The following DIP2A variants were observed in gnomAD, a reference collection of about 807,000 sequenced individuals.
DIP2A encodes disco-interacting protein 2 homolog A.
In DIP2A, 85 loss-of-function variants were observed where a neutral mutation model predicts 177.4. That is an observed-to-expected ratio of 0.48 (90% CI 0.40 to 0.57). The LOEUF (loss-of-function observed/expected upper bound fraction) is 0.57. Among genes scored for constraint, DIP2A ranks in the 20% least tolerant of loss-of-function variants. The pLI is 0.00. For synonymous variants in DIP2A, 886 were observed against 881.8 expected, an observed-to-expected ratio of 1.00 and a Z score of -0.08; for missense variants, 1,791 against 2,100.2, an observed-to-expected ratio of 0.85 and a Z score of 2.88.
chr21:46,511,365 G>T, intron 7 of DIP2A, 52 bp from the exon 8 acceptor site: 1 of 1,503,918 alleles, frequency 6.6e-7, no homozygotes, highest in Non-Finnish European at 9.0e-7. Flanking sequence ...AAAACAGAAT[G>T]TGTTCGTGGT....
intron 9 of DIP2A, 44 bp from the exon 10 acceptor site, chr21:46,532,083 A>G (rs1259298081): frequency 6.4e-7 from 1 of 1,561,780 alleles, no homozygotes; most frequent in Non-Finnish European, 8.7e-7. Context: ...TAGATATTGT[A>G]AAAATTGGAA....
intron 1 of DIP2A, among the ~76,000 whole-genome samples, chr21:46,481,107 C>T (rs1320130616): frequency 6.6e-6 from 1 of 152,156 alleles, no homozygotes; most frequent in Non-Finnish European, 1.5e-5. Flanking sequence ...ACCATCATCC[C>T]CAAACACTCC....
chr21:46,561,087 C>T, intron 33 of DIP2A: 2 of 896,356 alleles, frequency 2.2e-6, no homozygotes, highest in Non-Finnish European at 2.7e-6. Context: ...TGTCACACAA[C>T]CAGGAAGAAT....
intron 1 of DIP2A, among the ~76,000 whole-genome samples, chr21:46,477,574 T>TGTGTGTGTGTGTGTGTGTGTG (rs1292980032): frequency 1.8e-4 from 17 of 93,742 alleles, no homozygotes; most frequent in South Asian, 3.2e-4. Context: ...TGTGTATTTC[T>TGTGTGTGTGTGTGTGTGTGTG]TTTTTTTTTT....
At position 46,554,621 on chromosome 21, in the gene DIP2A, C is replaced by T. The variant is rs1255877981; in HGVS notation, c.3201C>T (p.Cys1067=). The T allele has an allele frequency of 4.4e-6, 7 of 1,608,264 alleles. No individual in the cohort carries two copies. The highest frequency in any genetic ancestry group is 4.2e-6 in the Non-Finnish European group (5 of 1,177,642). Residue 1067 remains cysteine, a synonymous_variant, in exon 27 of 38, where the codon TGC becomes TGT. Transcript: ENST00000417564. ...AAFYGCLYCG[C]VPVTVRPPHP... Reference sequence around the variant, plus strand: ...TCTATGGCTGCTTGTACTGTGGCTGCGTGCCTGTCACCGTGCGGCCCCCGC... The same window carrying T: ...TCTATGGCTGCTTGTACTGTGGCTGTGTGCCTGTCACCGTGCGGCCCCCGC...
At chr21:46,510,144 A>G (rs1161364863) in intron 7 of DIP2A, among the ~76,000 whole-genome samples, 2 of 152,238 alleles carry the variant, frequency 1.3e-5, no homozygotes, top group African/African-American at 2.4e-5. Flanking sequence ...AGCTGAGAGC[A>G]AGGAAGCCAG....
intron 17 of DIP2A, 81 bp from the exon 18 acceptor site, chr21:46,541,675 C>A: frequency 6.5e-7 from 1 of 1,538,188 alleles, no homozygotes; most frequent in Non-Finnish European, 8.9e-7. Context: ...GGTGCAGAAT[C>A]ATGCTGCAGG....
rs200756742 is a variant in DIP2A at position 46,484,860 on chromosome 21, A to C, written c.163+32A>C. ...TCAATACACTCAGGTGTTACATAGC[A>C]ATTATATTGTTTCATAACATGTGAT... On this transcript the variant is annotated intron_variant, in intron 2 of 37. Coordinates refer to ENST00000417564, the MANE Select transcript of DIP2A (RefSeq NM_015151.4). The C allele has an allele frequency of 6.6e-6, 10 of 1,509,504 alleles. No homozygotes were observed. In the East Asian group the frequency reaches 2.2e-4, roughly 33 times the overall value. The allele number at this position is 1,509,504 out of a possible 1,614,324, so 93.5% of individuals were successfully genotyped here. A position where few individuals can be genotyped will look rare whatever the true frequency, so the allele number is the denominator to read the frequency against.
At position 46,495,242 on chromosome 21, in the gene DIP2A, CTT is replaced by C. The variant is rs1491514456; in HGVS notation, c.284-1744_284-1743del. 4.8e-3 allele frequency among the ~76,000 whole-genome samples: 427 copies of C among 89,778 alleles called. 1 individual carries two copies. The highest frequency in any genetic ancestry group is 0.014 in the African/African-American group (173 of 12,128). 58.9% of individuals were successfully genotyped at this position (89,778 alleles called of 152,430 possible). A position where few individuals can be genotyped will look rare whatever the true frequency, so the allele number is the denominator to read the frequency against. The stretch of plus-strand genomic sequence containing the variant: ...CTCTTCTCTTCTCTTCTCTTCTCTT[CTT>C]TCTCTCTCTCTCTCTCTCTCTCTCT... On this transcript the variant is annotated intron_variant, in intron 3 of 37. Transcript: ENST00000417564.
rs7279002 is a variant in DIP2A at position 46,490,610 on chromosome 21, A to G, written c.174A>G (p.Pro58=). 0.26 allele frequency: 401,864 copies of G among 1,566,230 alleles called. 54,994 individuals carry two copies. The highest frequency in any genetic ancestry group is 0.47 in the African/African-American group (34,778 of 73,746). The change falls in exon 3 of 38, where the codon CCA becomes CCG. Residue 58 remains proline, a synonymous_variant. Coordinates refer to ENST00000417564, the MANE Select transcript of DIP2A (RefSeq NM_015151.4). ...RYIPLIQGID[P]SLQAENRIPG... ...AAAATTGTGTTTCAGGAATAGACCC[A>G]TCTCTGCAAGCAGAGAATAGAATTC... is the stretch of plus-strand genomic sequence containing the variant.
intron 20 of DIP2A, chr21:46,546,257 T>C: frequency 8.4e-7 from 1 of 1,195,780 alleles, no homozygotes; most frequent in Non-Finnish European, 1.0e-6. Flanking sequence ...TATCATTCTT[T>C]ACCATTTTGG....
chr21:46,554,740 C>G, intron 27 of DIP2A, 44 bp downstream of exon 27: 1 of 1,548,670 alleles, frequency 6.5e-7, no homozygotes. Context: ...GAGTGGGAGG[C>G]TGCAAGGCTG....
At chr21:46,518,672 C>T (rs1250542555) in intron 8 of DIP2A, among the ~76,000 whole-genome samples, 1 of 152,162 alleles carries the variant, frequency 6.6e-6, no homozygotes, top group Non-Finnish European at 1.5e-5. Flanking sequence ...GCCTGGCCAA[C>T]ATGGCAAAAG....
Position 46,551,680 on chromosome 21 carries a change from G to A in DIP2A, c.2886G>A (p.Lys962=), listed in dbSNP as rs1280788719. 3 of 1,614,034 alleles carry A rather than the reference G, an allele frequency of 1.9e-6. No homozygotes were observed. Among genetic ancestry groups the A allele is most frequent in the Admixed American group, 1.7e-5 (1 of 60,028 alleles). ...TCGTGGGGAACCTGGTTGCTGGGAA[G>A]AGAATCGCTCAGGCTTCCGGGAGAG... ...SMIVGNLVAG[K]RIAQASGREL... Residue 962 remains lysine, a synonymous_variant, in exon 24 of 38, where the codon AAG becomes AAA. Transcript: ENST00000417564.
intron 1 of DIP2A, among the ~76,000 whole-genome samples, chr21:46,477,649 C>G (rs2056015632): frequency 6.7e-6 from 1 of 148,170 alleles, no homozygotes; most frequent in Non-Finnish European, 1.5e-5. Flanking sequence ...TCTCGGCTCA[C>G]TGCAACCTCC....
chr21:46,554,078 G>A (rs758934910), intron 25 of DIP2A, 91 bp from the exon 26 acceptor site: 8 of 1,475,046 alleles, frequency 5.4e-6, no homozygotes, highest in Non-Finnish European at 6.4e-6. Context: ...GGTGTCGTGT[G>A]CAGTGGCGTG....
rs144159068 is a variant in DIP2A at position 46,480,493 on chromosome 21, AT to A, written c.92-4262del. On this transcript the variant is annotated intron_variant, in intron 1 of 37. Transcript: ENST00000417564. ...TCAGGTGTGGATCATCCCTCATTTTATTGTTTCCTCCTGCTCTGTGTCGGCA... is the reference window on the plus strand; with the variant it reads ...TCAGGTGTGGATCATCCCTCATTTTATGTTTCCTCCTGCTCTGTGTCGGCA... Among the ~76,000 whole-genome samples, 1,141 of 151,928 alleles carry A rather than the reference AT, an allele frequency of 7.5e-3. 7 individuals are homozygous for A. The highest frequency in any genetic ancestry group is 0.011 in the African/African-American group (466 of 41,416).
chr21:46,552,039 G>A (rs1275470873), intron 25 of DIP2A, 135 bp downstream of exon 25: 17 of 1,053,344 alleles, frequency 1.6e-5, no homozygotes, highest in Admixed American at 1.0e-4. Flanking sequence ...CTCAGCCCCC[G>A]TCCTGGTTGT....
intron 9 of DIP2A, among the ~76,000 whole-genome samples, chr21:46,531,117 A>G (rs2059337927): frequency 6.6e-6 from 1 of 152,074 alleles, no homozygotes; most frequent in Non-Finnish European, 1.5e-5. Flanking sequence ...TGGAGGCCCC[A>G]GGACGATCAC....
Sources: gnomAD v4.1 joint callset for allele counts (sites outside exome capture counted in the v4.1 genomes callset) on GRCh38, gnomAD v4.1.1 for gene constraint, MANE v1.5 for transcripts, NCBI Gene and HGNC (gene_info 2026-07-23, HGNC 2026-07-21) for gene names.